The following USP34 variants were observed in gnomAD, a reference collection of about 807,000 sequenced individuals.
The protein encoded by USP34 is ubiquitin carboxyl-terminal hydrolase 34.
In USP34, 70 loss-of-function variants were observed where a neutral mutation model predicts 460.3. The observed-to-expected ratio is 0.15, with a 90% CI of 0.13 to 0.19. USP34 has a LOEUF of 0.19. Among genes scored for constraint, USP34 ranks in the 10% least tolerant of loss-of-function variants. USP34 has a pLI of 1.00. For missense variants in USP34, 3,985 were observed against 4,236.2 expected, an observed-to-expected ratio of 0.94 and a Z score of 1.65; for synonymous variants, 1,647 against 1,405.3, an observed-to-expected ratio of 1.17 and a Z score of -3.85.
chr2:61,438,676 A>C (rs889931547), intron 1 of USP34, among the ~76,000 whole-genome samples: 2 of 152,178 alleles, frequency 1.3e-5, no homozygotes, highest in Non-Finnish European at 2.9e-5. Flanking sequence ...ACACCAACAT[A>C]ATAAAGGCCA....
chr2:61,241,488 T>C (rs1688258209), intron 53 of USP34, 72 bp downstream of exon 53: 1 of 1,108,726 alleles, frequency 9.0e-7, no homozygotes, highest in East Asian at 2.5e-5. Flanking sequence ...AACCTGTTCT[T>C]ACACTACAGT....
chr2:61,317,378 T>C (rs1259799465), intron 23 of USP34, among the ~76,000 whole-genome samples: 5 of 152,036 alleles, frequency 3.3e-5, no homozygotes, highest in Admixed American at 3.3e-4. Context: ...AATACAAAAA[T>C]TAGCCAGGCA....
chr2:61,237,906 C>CT (rs979721469), intron 53 of USP34, among the ~76,000 whole-genome samples: 11 of 150,434 alleles, frequency 7.3e-5, no homozygotes, highest in East Asian at 3.9e-4. Flanking sequence ...TTTTTCTTTT[C>CT]TTTTTTTTGA....
rs368882510 is a variant in USP34 at position 61,204,315 on chromosome 2, G to A, written c.9325C>T (p.Arg3109Trp). ...ATATTGAGTTCAGGGCGCGGAGGCCGAATATTGCTTTTCCCTCCTATTAGC... is the reference window on the plus strand; with the variant it reads ...ATATTGAGTTCAGGGCGCGGAGGCCAAATATTGCTTTTCCCTCCTATTAGC... ...IKLIGGKSNI[R>W]PPRPELNMCL... Residue 3109 changes from arginine (R) to tryptophan (W), a missense_variant, in exon 74 of 80, where the codon CGG becomes TGG. Around this residue, in one of 14 missense-constraint regions of USP34, gnomAD observed 275 missense variants for 292.7 expected, o/e 0.94. Transcript: ENST00000398571. 2 of 1,614,168 alleles carry A rather than the reference G, an allele frequency of 1.2e-6. No individual in the cohort carries two copies. The highest frequency in any genetic ancestry group is 1.7e-5 in the Admixed American group (1 of 60,028).
chr2:61,205,742 T>A (rs937448076), intron 72 of USP34, among the ~76,000 whole-genome samples: 11 of 152,230 alleles, frequency 7.2e-5, no homozygotes, highest in African/African-American at 2.4e-4. Flanking sequence ...CTTGCTTACA[T>A]AGGATAACAA....
chr2:61,248,816 G>A (rs1197882105), intron 48 of USP34, 133 bp from the exon 49 acceptor site: 3 of 769,590 alleles, frequency 3.9e-6, no homozygotes, highest in Non-Finnish European at 5.8e-6. Flanking sequence ...TTATCCACAG[G>A]GGATACCTTC....
intron 10 of USP34, among the ~76,000 whole-genome samples, chr2:61,365,872 A>G (rs1353455872): frequency 1.3e-5 from 2 of 152,232 alleles, no homozygotes; most frequent in African/African-American, 4.8e-5. Context: ...GAACAAATCC[A>G]CAAAGAAAAT....
At chr2:61,327,917 T>C (rs1377818774) in intron 20 of USP34, among the ~76,000 whole-genome samples, 1 of 152,238 alleles carries the variant, frequency 6.6e-6, no homozygotes, top group Non-Finnish European at 1.5e-5. Context: ...AACAGATTAC[T>C]GCCTTAAAAG....
At chr2:61,326,540 A>G (rs1225183444) in intron 20 of USP34, among the ~76,000 whole-genome samples, 1 of 151,974 alleles carries the variant, frequency 6.6e-6, no homozygotes, top group Non-Finnish European at 1.5e-5. Context: ...TGCATTTTAA[A>G]AGGATTCCTT....
In USP34 at chr2:61,406,629, C is replaced by T. The variant is rs1291127249; in HGVS notation, c.132-501G>A. Among the ~76,000 whole-genome samples, 65 of 149,232 alleles carry T rather than the reference C, an allele frequency of 4.4e-4. 1 individual carries two copies. Among genetic ancestry groups the T allele is most frequent in the Admixed American group, 4.3e-3 (64 of 14,764 alleles). Reference sequence around the variant, plus strand: ...CTGGCAAATCAAAAGTGTTTAGGAACAACACACACACACTCTCTCTTTCTC... The same window carrying T: ...CTGGCAAATCAAAAGTGTTTAGGAATAACACACACACACTCTCTCTTTCTC... On this transcript the variant is annotated intron_variant, in intron 2 of 79. Coordinates refer to ENST00000398571, the MANE Select transcript of USP34 (RefSeq NM_014709.4).
Position 61,187,772 on chromosome 2 carries a change from G to A in USP34, c.*330C>T. 1 of 662,356 alleles carries A rather than the reference G, an allele frequency of 1.5e-6. No individual in the cohort carries two copies. The highest frequency in any genetic ancestry group is 2.0e-6 in the Non-Finnish European group (1 of 500,472). The allele number at this position is 662,356 out of a possible 1,614,324, so 41.0% of individuals were successfully genotyped here. A position where few individuals can be genotyped will look rare whatever the true frequency, so the allele number is the denominator to read the frequency against. On this transcript the variant is annotated 3_prime_UTR_variant, in exon 80 of 80. Transcript: ENST00000398571. ...CACAGAGGACACCATATCATACACAGTAAAAATGCTGTAAGTTTAAATTAC... is the reference window on the plus strand; with the variant it reads ...CACAGAGGACACCATATCATACACAATAAAAATGCTGTAAGTTTAAATTAC...
intron 30 of USP34, among the ~76,000 whole-genome samples, 183 bp downstream of exon 30, chr2:61,296,617 T>C (rs779355721): frequency 1.3e-5 from 2 of 152,234 alleles, no homozygotes; most frequent in Non-Finnish European, 2.9e-5. Context: ...TATTCACCCA[T>C]TATTCACCCT....
rs138996109 is a variant in USP34, at chr2:61,257,491, T to G, written c.5845-141A>C. 640 of 598,040 alleles carry G rather than the reference T, an allele frequency of 1.1e-3. 5 individuals carry two copies. In the East Asian group the frequency reaches 0.02, roughly 18 times the overall value. 37.0% of individuals were successfully genotyped at this position (598,040 alleles called of 1,614,324 possible). A position where few individuals can be genotyped will look rare whatever the true frequency, so the allele number is the denominator to read the frequency against. The stretch of plus-strand genomic sequence containing the variant: ...TTAAATGGTTGCTTCTATTTCTTTC[T>G]GTTTAGTTTTCATAGTATTTTTAAT... On this transcript the variant is annotated intron_variant, in intron 44 of 79. Coordinates refer to ENST00000398571, the MANE Select transcript of USP34 (RefSeq NM_014709.4).
intron 39 of USP34, among the ~76,000 whole-genome samples, chr2:61,279,522 G>C (rs1689472960): frequency 6.6e-6 from 1 of 152,054 alleles, no homozygotes; most frequent in South Asian, 2.1e-4. Context: ...AGAGTGCAGG[G>C]GCGTGATCTC....
At position 61,350,637 on chromosome 2, in the gene USP34, C is replaced by G; in HGVS notation, c.1308G>C (p.Leu436Phe). 1.2e-6 allele frequency: 2 copies of G among 1,613,634 alleles called. No individual in the cohort carries two copies. Among genetic ancestry groups the G allele is most frequent in the Non-Finnish European group, 1.7e-6 (2 of 1,179,846 alleles). Residue 436 changes from leucine to phenylalanine, a missense_variant, in exon 11 of 80, where the codon TTG becomes TTC. Physicochemically the swap from Leu to Phe is conservative, Grantham distance 22 (BLOSUM62 0). Around this residue, in one of 14 missense-constraint regions of USP34, gnomAD observed 716 missense variants for 626.2 expected, o/e 1.14. Coordinates refer to ENST00000398571, the MANE Select transcript of USP34 (RefSeq NM_014709.4). ...GTAGATGTCTAAGTGGTACGGGATC[C>G]AAATTCTTGATGAGTGAAGGAAATA... is the stretch of plus-strand genomic sequence containing the variant. ...HDLFPSLIKN[L>F]DPVPLRHLLN... is the part of the protein sequence containing the mutation.
At chr2:61,432,067 G>A (rs1694692129) in intron 1 of USP34, among the ~76,000 whole-genome samples, 1 of 151,896 alleles carries the variant, frequency 6.6e-6, no homozygotes, top group East Asian at 1.9e-4. Flanking sequence ...ATGGCCAGGG[G>A]TAGCAGCTCA....
At chr2:61,259,845 G>A in intron 43 of USP34, 69 bp from the exon 44 acceptor site, 9 of 1,471,720 alleles carry the variant, frequency 6.1e-6, no homozygotes, top group Non-Finnish European at 8.5e-6. Flanking sequence ...TTCTAGCAAA[G>A]AAAGTCTTGC....
intron 53 of USP34, among the ~76,000 whole-genome samples, chr2:61,238,169 T>C (rs920110169): frequency 1.3e-5 from 2 of 152,064 alleles, no homozygotes; most frequent in African/African-American, 4.8e-5. Flanking sequence ...GTGCTGGGAT[T>C]ACAGGTGTGA....
chr2:61,307,143 G>T (rs1471991273), intron 27 of USP34, among the ~76,000 whole-genome samples: 1 of 151,994 alleles, frequency 6.6e-6, no homozygotes, highest in Non-Finnish European at 1.5e-5. Context: ...CCATAAAAAA[G>T]GATGAGTCCA....
Sources: gnomAD v4.1 joint callset for allele counts (sites outside exome capture counted in the v4.1 genomes callset) on GRCh38, gnomAD v4.1.1 for gene constraint, gnomAD v4.1.1 regional missense constraint, MANE v1.5 for transcripts, NCBI Gene and HGNC (gene_info 2026-07-23, HGNC 2026-07-21) for gene names.